PTPRD: variants seen among roughly 807,000 people sequenced by gnomAD.
The protein encoded by PTPRD is protein tyrosine phosphatase receptor type D, also known as receptor-type tyrosine-protein phosphatase delta.
Under a neutral mutation model 214.5 loss-of-function variants are expected in PTPRD, and 34 were observed. The observed-to-expected ratio is 0.16, with a 90% CI of 0.12 to 0.21. The LOEUF is 0.21. Among genes scored for constraint, PTPRD ranks in the 10% least tolerant of loss-of-function variants. The pLI is 1.00. For missense variants in PTPRD, 2,545 were observed against 2,398.7 expected, an observed-to-expected ratio of 1.06 and a Z score of -1.27; for synonymous variants, 1,128 against 845.7, an observed-to-expected ratio of 1.33 and a Z score of -5.79.
intron 11 of PTPRD, among the ~76,000 whole-genome samples, chr9:8,952,497 G>C (rs2099108007): frequency 6.6e-6 from 1 of 151,850 alleles, no homozygotes; most frequent in Non-Finnish European, 1.5e-5. Flanking sequence ...CATGTGCGTA[G>C]ATACACATAG....
chr9:8,558,207 A>AT (rs2084752396), intron 14 of PTPRD, among the ~76,000 whole-genome samples: 1 of 152,208 alleles, frequency 6.6e-6, no homozygotes, highest in Non-Finnish European at 1.5e-5. Flanking sequence ...TTCCTCCAGG[A>AT]TCATTAATTA....
chr9:8,565,034 A>G (rs1325149807), intron 14 of PTPRD, among the ~76,000 whole-genome samples: 1 of 152,188 alleles, frequency 6.6e-6, no homozygotes, highest in Non-Finnish European at 1.5e-5. Context: ...AATGCCCTCA[A>G]ATGAAAGTAA....
chr9:9,605,769 G>A (rs894793688), intron 7 of PTPRD, among the ~76,000 whole-genome samples: 4 of 151,986 alleles, frequency 2.6e-5, no homozygotes, highest in African/African-American at 9.7e-5. Context: ...ACAAATGCTT[G>A]TTATTATTAT....
At chr9:8,873,895 T>A (rs1474931659) in intron 11 of PTPRD, among the ~76,000 whole-genome samples, 1 of 152,182 alleles carries the variant, frequency 6.6e-6, no homozygotes, top group Non-Finnish European at 1.5e-5. Flanking sequence ...ATGTGAATAG[T>A]AATGGTGCAT....
intron 12 of PTPRD, among the ~76,000 whole-genome samples, chr9:8,697,486 G>C (rs2097946003): frequency 7.5e-6 from 1 of 132,644 alleles, no homozygotes; most frequent in Non-Finnish European, 1.6e-5. Context: ...GCAGTGGTGT[G>C]ATCTTGGCTC....
chr9:10,025,650 A>T (rs529710310), intron 4 of PTPRD, among the ~76,000 whole-genome samples: 32 of 152,292 alleles, frequency 2.1e-4, no homozygotes, highest in Non-Finnish European at 3.7e-4. Flanking sequence ...AATCTGAGAA[A>T]CTTTTTAAAA....
chr9:8,596,285 G>A (rs890483827), intron 14 of PTPRD, among the ~76,000 whole-genome samples: 1 of 151,890 alleles, frequency 6.6e-6, no homozygotes, highest in Non-Finnish European at 1.5e-5. Context: ...TGGATATATG[G>A]ATTATATGGA....
At chr9:8,806,808 A>T (rs10815953) in intron 11 of PTPRD, among the ~76,000 whole-genome samples, 1 of 151,952 alleles carries the variant, frequency 6.6e-6, no homozygotes, top group Non-Finnish European at 1.5e-5. Flanking sequence ...ACTTTGCCCA[A>T]ATTAAGTACT....
chr9:10,576,419 T>C (rs910910895), intron 2 of PTPRD, among the ~76,000 whole-genome samples: 2 of 152,104 alleles, frequency 1.3e-5, no homozygotes, highest in Admixed American at 6.6e-5. Context: ...TCCTTAAAAA[T>C]AGAATCTCAG....
chr9:8,706,456 G>C (rs572799853), intron 12 of PTPRD, among the ~76,000 whole-genome samples: 12 of 152,246 alleles, frequency 7.9e-5, no homozygotes, highest in Non-Finnish European at 1.8e-4. Context: ...AGTGTTCATG[G>C]TTTTGCCAAT....
intron 7 of PTPRD, among the ~76,000 whole-genome samples, chr9:9,692,544 T>A (rs2097292816): frequency 6.6e-6 from 1 of 152,080 alleles, no homozygotes; most frequent in Non-Finnish European, 1.5e-5. Flanking sequence ...GTAGTACAAT[T>A]TGAAAGCAAG....
At chr9:8,914,666 A>T (rs1369708017) in intron 11 of PTPRD, among the ~76,000 whole-genome samples, 1 of 152,162 alleles carries the variant, frequency 6.6e-6, no homozygotes, top group African/African-American at 2.4e-5. Context: ...GAGTTCTACA[A>T]ATTAACTTCC....
intron 30 of PTPRD, among the ~76,000 whole-genome samples, chr9:8,473,311 G>A (rs181122091): frequency 1.2e-4 from 18 of 152,210 alleles, no homozygotes; most frequent in South Asian, 4.1e-4. Context: ...GCTTCTCTGC[G>A]TATGACAGAG....
At chr9:8,530,018 G>A (rs988455816) in intron 14 of PTPRD, among the ~76,000 whole-genome samples, 1 of 151,998 alleles carries the variant, frequency 6.6e-6, no homozygotes, top group Non-Finnish European at 1.5e-5. Context: ...AGCATAAACA[G>A]CAGCGAGCAG....
At chr9:8,671,544 C>A (rs1187121058) in intron 12 of PTPRD, among the ~76,000 whole-genome samples, 1 of 151,854 alleles carries the variant, frequency 6.6e-6, no homozygotes, top group Non-Finnish European at 1.5e-5. Flanking sequence ...AACTGTAAAG[C>A]AGTTTAGAAA....
At chr9:9,947,678 G>A (rs747840589) in intron 4 of PTPRD, among the ~76,000 whole-genome samples, 49 of 109,374 alleles carry the variant, frequency 4.5e-4, no homozygotes, top group Non-Finnish European at 7.9e-4. Context: ...GTAGTAAAAG[G>A]TCAAGTTAGA....
At chr9:10,152,355 A>C (rs1592532282) in intron 3 of PTPRD, among the ~76,000 whole-genome samples, 1 of 152,246 alleles carries the variant, frequency 6.6e-6, no homozygotes, top group East Asian at 1.9e-4. Context: ...GCTCATTTTT[A>C]GTGGATGATT....
chr9:10,265,670 TA>T (rs1237157256), intron 3 of PTPRD, among the ~76,000 whole-genome samples: 6 of 152,114 alleles, frequency 3.9e-5, no homozygotes, highest in Admixed American at 6.5e-5. Flanking sequence ...TGTGTTCCAA[TA>T]AAATGTCATT....
intron 5 of PTPRD, among the ~76,000 whole-genome samples, chr9:9,853,136 C>T (rs1460811904): frequency 6.6e-6 from 1 of 152,128 alleles, no homozygotes; most frequent in Non-Finnish European, 1.5e-5. Context: ...AGAAGGAGTG[C>T]TAAATATTTT....
Sources: gnomAD v4.1 joint callset for allele counts (sites outside exome capture counted in the v4.1 genomes callset) on GRCh38, gnomAD v4.1.1 for gene constraint, MANE v1.5 for transcripts, NCBI Gene and HGNC (gene_info 2026-07-23, HGNC 2026-07-21) for gene names.